The following GIPR variants were observed in gnomAD, a reference collection of about 807,000 sequenced individuals.
The protein encoded by GIPR is GIP-R.
In GIPR, 74 loss-of-function variants were observed where a neutral mutation model predicts 62.2. The observed-to-expected ratio is 1.19, with a 90% CI of 0.99 to 1.44. The LOEUF is 1.44. Ranked by LOEUF, GIPR falls within the 40% of genes most tolerant of loss-of-function variation. GIPR has a pLI of 0.00. For synonymous variants in GIPR, 256 were observed against 262.2 expected (o/e 0.98, Z 0.23); for missense variants, 664 against 611.8 (o/e 1.09, Z -0.90).
intron 1 of GIPR, among the ~76,000 whole-genome samples, chr19:45,668,859 C>G (rs1204727688): frequency 6.6e-6 from 1 of 152,226 alleles, no homozygotes; most frequent in Non-Finnish European, 1.5e-5. Context: ...TCCACTTACT[C>G]TGGGCTTTAT....
At chr19:45,674,275 C>G (rs1975714746) in intron 6 of GIPR, 98 bp downstream of exon 6, 1 of 838,974 alleles carries the variant, frequency 1.2e-6, no homozygotes, top group Non-Finnish European at 2.1e-6. Context: ...GTCCAGCTAT[C>G]CACTGGTGGT....
intron 12 of GIPR, among the ~76,000 whole-genome samples, chr19:45,680,993 G>T (rs911609518): frequency 6.6e-5 from 10 of 152,196 alleles, no homozygotes; most frequent in Admixed American, 6.6e-4. Flanking sequence ...AAAGTGGAAA[G>T]GTGGTTTTTG....
chr19:45,673,922 T>G (rs1600296224), intron 5 of GIPR, 152 bp from the exon 6 acceptor site: 2 of 702,422 alleles, frequency 2.8e-6, no homozygotes, highest in East Asian at 2.6e-5. Flanking sequence ...AGCTGAAGGG[T>G]GGAGTCAGCC....
intron 9 of GIPR, 115 bp downstream of exon 9, chr19:45,677,498 G>T: frequency 1.1e-6 from 1 of 878,368 alleles, no homozygotes; most frequent in Non-Finnish European, 1.9e-6. Context: ...CTGGGGATAC[G>T]TGGGCGGGAT....
In GIPR at chr19:45,677,916, T is replaced by C. The variant is rs1293207420; in HGVS notation, c.935T>C (p.Leu312Pro). Residue 312 changes from leucine to proline, a missense_variant, in exon 11 of 14, where the codon CTC (leucine) becomes CCC (proline). By Grantham distance (98) the Leu-to-Pro change is moderately conservative (BLOSUM62 -3). Transcript: ENST00000590918. ...PILMTILINF[L>P]IFIRILGILL... ...TATCTCTCCCCACAGATTAATTTCCTCATTTTTATCCGCATTCTTGGCATT... is the reference window on the plus strand; with the variant it reads ...TATCTCTCCCCACAGATTAATTTCCCCATTTTTATCCGCATTCTTGGCATT... The C allele has an allele frequency of 6.2e-7, 1 of 1,613,820 alleles. No individual in the cohort carries two copies. Among genetic ancestry groups the C allele is most frequent in the Non-Finnish European group, 8.5e-7 (1 of 1,179,924 alleles).
Position 45,672,860 on chromosome 19 carries a change from G to T in GIPR, c.290G>T (p.Gly97Val), listed in dbSNP as rs557495616. The T allele has an allele frequency of 6.8e-6, 11 of 1,608,782 alleles. No homozygotes were observed. Among genetic ancestry groups the T allele is most frequent in the African/African-American group, 6.7e-5 (5 of 74,876 alleles). Residue 97 changes from glycine (G) to valine (V), a missense_variant, in exon 5 of 14, where the codon GGT becomes GTT. Gly to Val is a moderately radical substitution (Grantham distance 109). Coordinates refer to ENST00000590918, the MANE Select transcript of GIPR (RefSeq NM_000164.4). ...YLPWHHHVAA[G>V]FVLRQCGSDG... is the part of the protein sequence containing the mutation. ...TCTTCTTTCCCCACAGTGGCTGCAGGTTTCGTCCTCCGCCAGTGTGGCAGT... is the reference window on the plus strand; with the variant it reads ...TCTTCTTTCCCCACAGTGGCTGCAGTTTTCGTCCTCCGCCAGTGTGGCAGT...
chr19:45,673,419 CAA>C (rs71175203), intron 5 of GIPR, among the ~76,000 whole-genome samples: 15,037 of 81,296 alleles, frequency 0.18, 452 homozygotes, highest in Non-Finnish European at 0.23. Context: ...GACTCCATCT[CAA>C]AAAAAAAAAA....
intron 7 of GIPR, 91 bp downstream of exon 7, chr19:45,674,917 C>T: frequency 7.9e-7 from 1 of 1,266,712 alleles, no homozygotes; most frequent in Admixed American, 1.7e-5. Context: ...CTCCTACACT[C>T]TCCACAGTTT....
chr19:45,676,426 ATT>A (rs869190523), intron 7 of GIPR, among the ~76,000 whole-genome samples: 12,269 of 72,022 alleles, frequency 0.17, 232 homozygotes, highest in East Asian at 0.32. Flanking sequence ...AAAGAAGCTG[ATT>A]TTTTTTTTTT....
chr19:45,669,587 G>T lies in GIPR; in HGVS notation c.67G>T (p.Ala23Ser). Residue 23 changes from alanine to serine, a missense_variant, in exon 2 of 14, where the codon GCG becomes TCG. Transcript: ENST00000590918. ...LSLCGLLLQR[A>S]ETGSKGQTAG... ...ACTGTGCGGGCTGCTGCTCCAGAGG[G>T]CGGAGGTGAGGAAGCGAGGAGCCAG... 6.3e-7 allele frequency: 1 copy of T among 1,579,018 alleles called. No homozygotes were observed.
At position 45,682,134 on chromosome 19, in the gene GIPR, A is replaced by G; in HGVS notation, c.*199A>G. ...GTTCCACACACGCTATGGAATGGTT[A>G]TGAAGGGAAGCGAGAAGGGGGCCTA... On this transcript the variant is annotated 3_prime_UTR_variant, in exon 14 of 14. Transcript: ENST00000590918. 1 of 611,740 alleles carries G rather than the reference A, an allele frequency of 1.6e-6. No homozygotes were observed. The highest frequency in any genetic ancestry group is 2.9e-5 in the Admixed American group (1 of 34,478). The allele number at this position is 611,740 out of a possible 1,614,324, so 37.9% of individuals were successfully genotyped here.
chr19:45,677,047 C>T lies in GIPR; in HGVS notation c.732C>T (p.Leu244=). The T allele has an allele frequency of 1.2e-6, 2 of 1,613,960 alleles. No individual in the cohort carries two copies. Among genetic ancestry groups the T allele is most frequent in the Non-Finnish European group, 1.7e-6 (2 of 1,179,882 alleles). Residue 244 remains leucine, a synonymous_variant, in exon 8 of 14, where the codon CTC becomes CTT. Coordinates refer to ENST00000590918, the MANE Select transcript of GIPR (RefSeq NM_000164.4). ...LLVEGVYLHS[L]LVLVGGSEEG... Reference sequence around the variant, plus strand: ...TGGAGGGCGTCTACCTGCACAGTCTCCTGGTGCTCGTGGGAGGCTCCGAGG... The same window carrying T: ...TGGAGGGCGTCTACCTGCACAGTCTTCTGGTGCTCGTGGGAGGCTCCGAGG...
intron 12 of GIPR, among the ~76,000 whole-genome samples, chr19:45,679,019 G>GA (rs1967099243): frequency 6.6e-6 from 1 of 152,272 alleles, no homozygotes; most frequent in South Asian, 2.1e-4. Flanking sequence ...CTAAAGTGGG[G>GA]AAAATACTAG....
chr19:45,669,338 G>T, intron 1 of GIPR, 139 bp from the exon 2 acceptor site: 3 of 775,610 alleles, frequency 3.9e-6, no homozygotes, highest in Non-Finnish European at 6.3e-6. Flanking sequence ...GGAGTTGCGG[G>T]AGCGGGTGCG....
At position 45,681,710 on chromosome 19, in the gene GIPR, G is replaced by A. The variant is rs773923330; in HGVS notation, c.1195-19G>A. On this transcript the variant is annotated intron_variant, in intron 13 of 13. Transcript: ENST00000590918. ...CAGCGCGGGGTACGGCGCCGCCTCT[G>A]AGCGCCATCGTCTCACAGGTGCAGT... 1.9e-6 allele frequency: 3 copies of A among 1,611,512 alleles called. No individual in the cohort carries two copies. The Admixed American group carries it at 5.0e-5, about 27-fold the overall frequency.
At chr19:45,668,566 CTGTT>C (rs1222051933) in intron 1 of GIPR, among the ~76,000 whole-genome samples, 10 of 152,322 alleles carry the variant, frequency 6.6e-5, no homozygotes, top group South Asian at 2.1e-4. Context: ...GTCTCTTTCT[CTGTT>C]TGTTTTTCTC....
rs776541606 is a variant in GIPR, at chr19:45,677,891, T to C, written c.925-15T>C. Reference sequence around the variant, plus strand: ...ATGGGATCGCGGCTGGCTCAGCCCTTATCTCTCCCCACAGATTAATTTCCT... The same window carrying C: ...ATGGGATCGCGGCTGGCTCAGCCCTCATCTCTCCCCACAGATTAATTTCCT... On this transcript the variant is annotated splice_polypyrimidine_tract_variant and intron_variant, in intron 10 of 13. Coordinates refer to ENST00000590918, the MANE Select transcript of GIPR (RefSeq NM_000164.4). 4 of 1,612,592 alleles carry C rather than the reference T, an allele frequency of 2.5e-6. No homozygotes were observed. In the Admixed American group the frequency reaches 6.7e-5, roughly 27 times the overall value.
chr19:45,670,652 G>A lies in GIPR; in HGVS notation c.90G>A (p.Gln30=), dbSNP rs1975485059. Reference sequence around the variant, plus strand: ...TTTCCTAGACAGGCTCTAAGGGGCAGACGGCGGGGGAGCTGTACCAGCGCT... The same window carrying A: ...TTTCCTAGACAGGCTCTAAGGGGCAAACGGCGGGGGAGCTGTACCAGCGCT... ...LQRAETGSKG[Q]TAGELYQRWE... is the part of the protein sequence containing the mutation. Residue 30 remains glutamine (Q), a synonymous_variant, in exon 3 of 14, where the codon CAG becomes CAA. Transcript: ENST00000590918. The A allele has an allele frequency of 6.2e-7, 1 of 1,613,274 alleles. No individual in the cohort carries two copies. The highest frequency in any genetic ancestry group is 2.2e-5 in the East Asian group (1 of 44,890).
Position 45,678,207 on chromosome 19 carries a change from T to C in GIPR, c.1133T>C (p.Ile378Thr). 6.4e-7 allele frequency: 1 copy of C among 1,573,914 alleles called. No homozygotes were observed. The highest frequency in any genetic ancestry group is 8.6e-7 in the Non-Finnish European group (1 of 1,160,188). ...CGCTTCGCCAAGCTCGGCTTTGAGATCTTCCTCAGCTCCTTCCAGGTGCTC... is the reference window on the plus strand; with the variant it reads ...CGCTTCGCCAAGCTCGGCTTTGAGACCTTCCTCAGCTCCTTCCAGGTGCTC... ...ALRFAKLGFEIFLSSFQGFLV... is the reference protein window; with the variant it reads ...ALRFAKLGFETFLSSFQGFLV... Residue 378 changes from isoleucine to threonine, a missense_variant, in exon 12 of 14, where the codon ATC becomes ACC. Coordinates refer to ENST00000590918, the MANE Select transcript of GIPR (RefSeq NM_000164.4).
Sources: allele counts gnomAD v4.1 joint callset (sites outside exome capture counted in the v4.1 genomes callset), GRCh38; gene constraint gnomAD v4.1.1; transcripts MANE v1.5; gene names NCBI Gene and HGNC (gene_info 2026-07-23, HGNC 2026-07-21).